Variants in RYR3 observed in about 807,000 individuals in gnomAD.
RYR3 encodes ryanodine receptor 3.
RYR3 carries 207 observed loss-of-function variants against 584.3 expected under a neutral mutation model. The observed-to-expected ratio is 0.35, with a 90% CI of 0.32 to 0.40. The LOEUF (loss-of-function observed/expected upper bound fraction) is 0.40. Ranked by LOEUF, RYR3 falls within the 10% of genes least tolerant of loss-of-function variation. The pLI is 1.00. For synonymous variants in RYR3, 2,416 were observed against 2,248.5 expected (o/e 1.07, Z -2.11); for missense variants, 5,616 against 6,089.2 (o/e 0.92, Z 2.59).
intron 51 of RYR3, among the ~76,000 whole-genome samples, chr15:33,741,675 GCC>G (rs1389579172): frequency 1.3e-5 from 2 of 152,064 alleles, no homozygotes; most frequent in African/African-American, 2.4e-5. Context: ...GTGCAGTGGT[GCC>G]ATCTCAACTC....
intron 3 of RYR3, among the ~76,000 whole-genome samples, chr15:33,510,506 T>C (rs1014793660): frequency 2.0e-5 from 3 of 149,874 alleles, no homozygotes; most frequent in Admixed American, 1.3e-4. Context: ...TGTATTCTCT[T>C]TCTTCTTTGC....
Position 33,785,857 on chromosome 15 carries a change from C to G in RYR3, c.9464C>G (p.Pro3155Arg), listed in dbSNP as rs1596575937. The change falls in exon 66 of 104, where the codon CCC (proline) becomes CGC (arginine). Residue 3155 changes from proline to arginine, a missense_variant. Pro to Arg is a moderately radical substitution (Grantham distance 103). This residue lies in a region of RYR3 where 954 missense variants were observed against 1,132.2 expected (regional missense o/e 0.84). Coordinates refer to ENST00000634891, the MANE Select transcript of RYR3 (RefSeq NM_001036.6). ...GAGCGGGGTCCTGAGAACCTGCCCC[C>G]CAGCACAGGGCCATGCTGCACCAAG... ...WWERGPENLPPSTGPCCTKVT... is the reference protein window; with the variant it reads ...WWERGPENLPRSTGPCCTKVT... The G allele has an allele frequency of 2.5e-6, 4 of 1,613,916 alleles. No individual in the cohort carries two copies. The highest frequency in any genetic ancestry group is 3.4e-6 in the Non-Finnish European group (4 of 1,179,860).
At chr15:33,677,960 A>G (rs890046363) in intron 38 of RYR3, among the ~76,000 whole-genome samples, 2 of 152,094 alleles carry the variant, frequency 1.3e-5, no homozygotes, top group Non-Finnish European at 2.9e-5. Flanking sequence ...GACACCACCT[A>G]TTTATAGGAA....
rs561756892 is a variant in RYR3, at chr15:33,856,333, C to G, written c.14007+1421C>G. The G allele has an allele frequency of 4.6e-5, 7 of 152,394 alleles. 1 individual carries two copies. The highest frequency in any genetic ancestry group is 1.7e-4 in the African/African-American group (7 of 41,552). The allele number at this position is 152,394 out of a possible 1,614,324, so 9.4% of individuals were successfully genotyped here. ...CTTACCCACTCCCTTTTGTGTGGCT[C>G]CTTGAAGGCAAAGCTCTGATCCTGT... On this transcript the variant is annotated intron_variant, in intron 98 of 103. Coordinates refer to ENST00000634891, the MANE Select transcript of RYR3 (RefSeq NM_001036.6).
chr15:33,647,509 TG>T, intron 30 of RYR3, 49 bp downstream of exon 30: 3 of 1,385,004 alleles, frequency 2.2e-6, no homozygotes, highest in Non-Finnish European at 3.1e-6. Flanking sequence ...TTCTTTGTTG[TG>T]CCTGGTAATA....
At chr15:33,611,702 AGGCT>A (rs1167955341) in intron 18 of RYR3, among the ~76,000 whole-genome samples, 1 of 152,074 alleles carries the variant, frequency 6.6e-6, no homozygotes, top group Non-Finnish European at 1.5e-5. Context: ...TCTGTCGCCC[AGGCT>A]GGAGCGCAGT....
intron 19 of RYR3, among the ~76,000 whole-genome samples, chr15:33,620,562 GA>G (rs2060676364): frequency 6.6e-6 from 1 of 152,164 alleles, no homozygotes; most frequent in African/African-American, 2.4e-5. Flanking sequence ...AGACAGAGGG[GA>G]GCCCACTTTC....
In RYR3 at chr15:33,800,701, ATT is replaced by A. The variant is rs559014395; in HGVS notation, c.9831-65_9831-64del. 45 of 1,130,404 alleles carry A rather than the reference ATT, an allele frequency of 4.0e-5. No individual in the cohort carries two copies. The East Asian group carries it at 1.0e-3, about 26-fold the overall frequency. The allele number at this position is 1,130,404 out of a possible 1,614,324, so 70.0% of individuals were successfully genotyped here. ...AATGTATGTCTCCAGTGCTGGTATA[ATT>A]TTTAGAGTGTGAATATTTTAATCTC... On this transcript the variant is annotated intron_variant, in intron 67 of 103. Transcript: ENST00000634891.
chr15:33,747,293 A>G (rs796650842), intron 53 of RYR3, among the ~76,000 whole-genome samples: 15 of 151,200 alleles, frequency 9.9e-5, no homozygotes, highest in African/African-American at 3.6e-4. Flanking sequence ...GCCTAGGCCT[A>G]GTGTCACATG....
chr15:33,428,566 C>T lies in RYR3; in HGVS notation c.52-44853C>T, dbSNP rs190268770. Among the ~76,000 whole-genome samples, 420 of 152,202 alleles carry T rather than the reference C, an allele frequency of 2.8e-3. 1 individual carries two copies. Among genetic ancestry groups the T allele is most frequent in the African/African-American group, 9.4e-3 (392 of 41,536 alleles). On this transcript the variant is annotated intron_variant, in intron 1 of 103. Transcript: ENST00000634891. ...GGCAGCATAAATACCCACGTGGAAA[C>T]AAAACCTTAATCTTAGTTTATTCAG...
rs1045047540 is a variant in RYR3, at chr15:33,785,310, C to T, written c.9269-352C>T. On this transcript the variant is annotated intron_variant, in intron 65 of 103. Transcript: ENST00000634891. The stretch of plus-strand genomic sequence containing the variant: ...TGATTACTGATTTTCCTGCAGGGGA[C>T]ACACTAAGGCCCAGGCAGGCAAGCC... Among the ~76,000 whole-genome samples the T allele has an allele frequency of 8.7e-4, 132 of 152,284 alleles. 1 individual carries two copies. The highest frequency in any genetic ancestry group is 3.1e-3 in the African/African-American group (128 of 41,552).
intron 10 of RYR3, among the ~76,000 whole-genome samples, chr15:33,555,374 A>G (rs189018315): frequency 1.3e-5 from 2 of 152,370 alleles, no homozygotes; most frequent in African/African-American, 4.8e-5. Context: ...AAGGGGAAAG[A>G]GGAAAATACG....
intron 1 of RYR3, among the ~76,000 whole-genome samples, chr15:33,403,902 C>A (rs1249683110): frequency 1.3e-5 from 2 of 151,238 alleles, no homozygotes; most frequent in African/African-American, 4.9e-5. Context: ...AAATGGAAGC[C>A]AAAAGAGAGA....
At chr15:33,847,803 G>A (rs1476303602) in intron 93 of RYR3, among the ~76,000 whole-genome samples, 2 of 152,182 alleles carry the variant, frequency 1.3e-5, no homozygotes, top group Admixed American at 1.3e-4. Flanking sequence ...TTCTAACTAT[G>A]AGACCATGTT....
intron 2 of RYR3, among the ~76,000 whole-genome samples, chr15:33,492,092 T>A (rs1567360313): frequency 6.6e-6 from 1 of 152,196 alleles, no homozygotes. Flanking sequence ...AAGTGAACAT[T>A]TTAACTCCTG....
chr15:33,609,492 C>T (rs1376424143), intron 18 of RYR3, among the ~76,000 whole-genome samples: 3 of 152,172 alleles, frequency 2.0e-5, no homozygotes, highest in South Asian at 2.1e-4. Context: ...CCTATCTCTA[C>T]TGAAAATACA....
intron 19 of RYR3, among the ~76,000 whole-genome samples, chr15:33,614,568 G>A (rs2060355768): frequency 6.6e-6 from 1 of 151,874 alleles, no homozygotes; most frequent in African/African-American, 2.4e-5. Flanking sequence ...TACTTTTAAT[G>A]TGCTTTTTCC....
intron 94 of RYR3, 174 bp from the exon 95 acceptor site, chr15:33,852,871 T>G (rs1444745547): frequency 3.3e-6 from 2 of 600,874 alleles, no homozygotes; most frequent in Non-Finnish European, 6.0e-6. Context: ...AAGCCATACA[T>G]GACTCAGTAG....
chr15:33,680,887 C>T (rs979655038), intron 38 of RYR3, among the ~76,000 whole-genome samples: 2 of 152,156 alleles, frequency 1.3e-5, no homozygotes, highest in African/African-American at 4.8e-5. Context: ...GACATGCAGC[C>T]GGTTCTGGCT....
Sources: gnomAD v4.1 joint callset for allele counts (sites outside exome capture counted in the v4.1 genomes callset) on GRCh38, gnomAD v4.1.1 for gene constraint, gnomAD v4.1.1 regional missense constraint, MANE v1.5 for transcripts, NCBI Gene and HGNC (gene_info 2026-07-23, HGNC 2026-07-21) for gene names.